Variants in RAD54B observed in about 807,000 individuals in gnomAD.
The protein encoded by RAD54B is DNA repair and recombination protein RAD54B.
In RAD54B, 78 loss-of-function variants were observed where a neutral mutation model predicts 95.8. The ratio of observed to expected loss-of-function variants is 0.81; its 90% CI spans 0.68 to 0.98. RAD54B has a LOEUF of 0.98. RAD54B is among the 50% of genes least tolerant of loss of function. The pLI is 0.00. For missense variants in RAD54B, 957 were observed against 1,056.6 expected (o/e 0.91, Z 1.31); for synonymous variants, 328 against 354.9 (o/e 0.92, Z 0.85).
chr8:94,434,854 A>G (rs1031481772), intron 3 of RAD54B, among the ~76,000 whole-genome samples: 3 of 151,366 alleles, frequency 2.0e-5, no homozygotes, highest in African/African-American at 7.3e-5. Flanking sequence ...AAATCAACTC[A>G]TTTTTATCAG....
At chr8:94,381,050 A>G (rs915983754) in intron 11 of RAD54B, among the ~76,000 whole-genome samples, 1 of 152,218 alleles carries the variant, frequency 6.6e-6, no homozygotes, top group Non-Finnish European at 1.5e-5. Context: ...CCTGCTACTC[A>G]GGAGGCTGAA....
In RAD54B at chr8:94,460,558, T is replaced by C. The variant is rs554341287; in HGVS notation, c.136-2122A>G. On this transcript the variant is annotated intron_variant, in intron 2 of 14. Coordinates refer to ENST00000336148, the MANE Select transcript of RAD54B (RefSeq NM_012415.3). ...GACAAGGAAGTTCATTATGTGCTAT[T>C]TTCTCTTTTTTTTGTATATGTATGG... is the stretch of plus-strand genomic sequence containing the variant. 2.0e-5 allele frequency among the ~76,000 whole-genome samples: 3 copies of C among 152,350 alleles called. No homozygotes were observed. The East Asian group carries it at 5.8e-4, about 29-fold the overall frequency.
intron 14 of RAD54B, among the ~76,000 whole-genome samples, chr8:94,373,471 T>G (rs79782872): frequency 0.029 from 4,452 of 152,248 alleles, 83 homozygotes; most frequent in Non-Finnish European, 0.043. Context: ...AACTGAACAA[T>G]TTTCTACTTT....
intron 3 of RAD54B, among the ~76,000 whole-genome samples, chr8:94,452,569 G>A (rs1812685786): frequency 6.6e-6 from 1 of 151,910 alleles, no homozygotes; most frequent in Non-Finnish European, 1.5e-5. Flanking sequence ...TGCTATCTCA[G>A]CTCACTGCAA....
In RAD54B at chr8:94,458,297, G is replaced by A; in HGVS notation, c.275C>T (p.Thr92Ile). 6.2e-7 allele frequency: 1 copy of A among 1,609,148 alleles called. No homozygotes were observed. Among genetic ancestry groups the A allele is most frequent in the South Asian group, 1.1e-5 (1 of 89,272 alleles). The change falls in exon 3 of 15, where the codon ACA becomes ATA. Residue 92 changes from threonine to isoleucine, a missense_variant. Thr to Ile is a moderately conservative substitution (Grantham distance 89). Transcript: ENST00000336148. ...CSGKYCFEAP[T>I]LATLDPPHTV... is the part of the protein sequence containing the mutation. ...ATGAGGTGGATCTAATGTTGCCAGT[G>A]TAGGTGCTTCAAAACAATATTTTCC...
intron 3 of RAD54B, among the ~76,000 whole-genome samples, chr8:94,419,253 T>C (rs1441872447): frequency 6.6e-6 from 1 of 152,208 alleles, no homozygotes; most frequent in Non-Finnish European, 1.5e-5. Flanking sequence ...CTCACGCCTG[T>C]AATCCCACCA....
chr8:94,409,998 A>G (rs1811488736), intron 4 of RAD54B, among the ~76,000 whole-genome samples: 1 of 152,180 alleles, frequency 6.6e-6, no homozygotes, highest in South Asian at 2.1e-4. Context: ...CAGTTGTTCC[A>G]TATTTTTATA....
chr8:94,390,976 G>A (rs777317483), intron 10 of RAD54B, among the ~76,000 whole-genome samples: 1 of 152,096 alleles, frequency 6.6e-6, no homozygotes, highest in African/African-American at 2.4e-5. Context: ...AAGATGTCAG[G>A]TATGGAATTT....
chr8:94,381,138 AT>A (rs1044960728), intron 11 of RAD54B, among the ~76,000 whole-genome samples: 1 of 150,054 alleles, frequency 6.7e-6, no homozygotes, highest in Admixed American at 6.7e-5. Context: ...AAAAAAAAAA[AT>A]GTGTTAATGA....
intron 8 of RAD54B, among the ~76,000 whole-genome samples, chr8:94,398,509 G>C (rs995194203): frequency 2.0e-5 from 3 of 152,064 alleles, no homozygotes; most frequent in Admixed American, 6.6e-5. Context: ...TTTAACTTCA[G>C]AGAGCTGTGA....
At chr8:94,397,881 A>G (rs1484019992) in intron 8 of RAD54B, among the ~76,000 whole-genome samples, 1 of 151,872 alleles carries the variant, frequency 6.6e-6, no homozygotes, top group Non-Finnish European at 1.5e-5. Flanking sequence ...AAATTCAGCT[A>G]ACTCATTTTT....
chr8:94,406,356 T>C (rs766229963), intron 5 of RAD54B, among the ~76,000 whole-genome samples: 5 of 152,036 alleles, frequency 3.3e-5, no homozygotes, highest in African/African-American at 1.2e-4. Context: ...ATAGTAAAAG[T>C]ACAAAGAGAA....
At chr8:94,399,211 C>G (rs554147743) in intron 8 of RAD54B, among the ~76,000 whole-genome samples, 1 of 152,192 alleles carries the variant, frequency 6.6e-6, no homozygotes, top group South Asian at 2.1e-4. Flanking sequence ...GTGTTTATTC[C>G]TAAAAAACTC....
chr8:94,390,337 TA>T (rs1810986584), intron 10 of RAD54B, among the ~76,000 whole-genome samples: 1 of 151,102 alleles, frequency 6.6e-6, no homozygotes, highest in Non-Finnish European at 1.5e-5. Context: ...CCGTCTCTAC[TA>T]AAAATACAAA....
intron 3 of RAD54B, among the ~76,000 whole-genome samples, chr8:94,423,225 T>C (rs1261452319): frequency 4.0e-5 from 6 of 151,882 alleles, no homozygotes; most frequent in African/African-American, 1.2e-4. Context: ...CTACTAAAAA[T>C]ACAAAAAATT....
At chr8:94,412,107 A>G (rs2450572) in intron 3 of RAD54B, among the ~76,000 whole-genome samples, 73,060 of 151,996 alleles carry the variant, frequency 0.48, 18,705 homozygotes, top group Non-Finnish European at 0.59. Flanking sequence ...TTCCACACAT[A>G]AGTGAGATCA....
chr8:94,467,093 TA>T (rs991664573), intron 2 of RAD54B, among the ~76,000 whole-genome samples: 7 of 152,282 alleles, frequency 4.6e-5, no homozygotes, highest in African/African-American at 1.7e-4. Flanking sequence ...CACACCCCAC[TA>T]AATTTTTATT....
At chr8:94,443,473 A>G (rs1223447749) in intron 3 of RAD54B, among the ~76,000 whole-genome samples, 1 of 152,168 alleles carries the variant, frequency 6.6e-6, no homozygotes, top group Admixed American at 6.5e-5. Context: ...TTGAAATAAA[A>G]GTTTAAGAAA....
chr8:94,429,748 A>C, intron 3 of RAD54B: 1 of 983,818 alleles, frequency 1.0e-6, no homozygotes, highest in Non-Finnish European at 1.2e-6. Context: ...TATTCAGGAC[A>C]TCTTTATAAT....
Sources: gnomAD v4.1 joint callset for allele counts (sites outside exome capture counted in the v4.1 genomes callset) on GRCh38, gnomAD v4.1.1 for gene constraint, MANE v1.5 for transcripts, NCBI Gene and HGNC (gene_info 2026-07-23, HGNC 2026-07-21) for gene names.